GSTK1: variants seen among roughly 807,000 people sequenced by gnomAD.
GSTK1 encodes glutathione S-transferase kappa 1, also known as GST class-kappa.
GSTK1 carries 25 observed loss-of-function variants against 30.9 expected under a neutral mutation model. The ratio of observed to expected loss-of-function variants is 0.81; its 90% CI spans 0.59 to 1.13. The LOEUF is 1.13. Among genes scored for constraint, GSTK1 ranks in the 50% most tolerant of loss-of-function variants. GSTK1 has a pLI of 0.00. For missense variants in GSTK1, 292 were observed against 292.4 expected, an observed-to-expected ratio of 1.00 and a Z score of 0.01; for synonymous variants, 108 against 112.5, an observed-to-expected ratio of 0.96 and a Z score of 0.25.
chr7:143,265,227 G>C, intron 4 of GSTK1, 34 bp from the exon 5 acceptor site: 1 of 1,604,456 alleles, frequency 6.2e-7, no homozygotes, highest in South Asian at 1.1e-5. Context: ...CCCTCTCCCC[G>C]CACCGCCTTC....
chr7:143,268,852 A>C lies in GSTK1; in HGVS notation c.*15A>C, dbSNP rs774643315. On this transcript the variant is annotated 3_prime_UTR_variant, in exon 8 of 8. Transcript: ENST00000358406. The surrounding 1 kb of genome is among the most constrained non-coding windows in gnomAD (Gnocchi z 4.1). ...CCAGACTTTAAGATTGCCCGGAGGA[A>C]GCAAACTCTTCGTATAAAAAAAGCA... The C allele has an allele frequency of 1.2e-6, 2 of 1,612,460 alleles. No individual in the cohort carries two copies. The highest frequency in any genetic ancestry group is 1.3e-5 in the African/African-American group (1 of 74,880).
At chr7:143,265,176 C>G (rs778290959) in intron 4 of GSTK1, 84 bp downstream of exon 4, 1 of 1,608,616 alleles carries the variant, frequency 6.2e-7, no homozygotes, top group Non-Finnish European at 8.5e-7. Flanking sequence ...GGGTCATGAT[C>G]CTGCCCCCGC....
intron 5 of GSTK1, among the ~76,000 whole-genome samples, 197 bp downstream of exon 5, chr7:143,265,493 G>T (rs1159632572): frequency 1.4e-4 from 22 of 152,336 alleles, no homozygotes; most frequent in Admixed American, 1.1e-3. Context: ...TCTCAAGGTT[G>T]AAAGGGGAAG....
chr7:143,264,214 A>T, intron 2 of GSTK1, 47 bp downstream of exon 2: 2 of 1,503,184 alleles, frequency 1.3e-6, no homozygotes, highest in Non-Finnish European at 1.9e-6. Context: ...GGCCCAAGAG[A>T]GCCGACCCCA....
chr7:143,268,636 C>T lies in GSTK1; in HGVS notation c.632-152C>T, dbSNP rs1800950824. On this transcript the variant is annotated intron_variant, in intron 7 of 7. Transcript: ENST00000358406. The surrounding 1 kb of genome is among the most constrained non-coding windows in gnomAD (Gnocchi z 4.1). ...CTGTTCAAGGTTGAGTGGGCAGGGG[C>T]TGTCTTCAACCCCATAAAAGAAAAG... is the stretch of plus-strand genomic sequence containing the variant. 3.1e-6 allele frequency: 2 copies of T among 649,314 alleles called. No homozygotes were observed. The highest frequency in any genetic ancestry group is 1.8e-5 in the African/African-American group (1 of 54,646). 40.2% of individuals were successfully genotyped at this position (649,314 alleles called of 1,614,324 possible).
intron 2 of GSTK1, 87 bp from the exon 3 acceptor site, chr7:143,264,461 C>T: frequency 1.5e-6 from 2 of 1,348,282 alleles, no homozygotes; most frequent in Non-Finnish European, 2.1e-6. Context: ...AAGGAAGCTG[C>T]CCTCTGCCCA....
At chr7:143,267,806 C>T (rs1188752677) in intron 6 of GSTK1, 73 bp downstream of exon 6, 5 of 1,038,030 alleles carry the variant, frequency 4.8e-6, no homozygotes, top group Admixed American at 3.5e-5. Context: ...AAGTTTGAGT[C>T]CTTATGCTCC....
At chr7:143,267,828 C>G in intron 6 of GSTK1, 95 bp downstream of exon 6, 1 of 879,742 alleles carries the variant, frequency 1.1e-6, no homozygotes, top group Non-Finnish European at 1.9e-6. Context: ...GTACAAAAGC[C>G]CCCTTTCCAA....
rs138430310 is a variant in GSTK1, at chr7:143,267,176, T to G, written c.421-441T>G. The stretch of plus-strand genomic sequence containing the variant: ...ACTGGAATTACAGCCTAGCTCTTGA[T>G]TCAAAAAAAGCATGAGATACTTAGG... On this transcript the variant is annotated intron_variant, in intron 5 of 7. Transcript: ENST00000358406. 4.5e-3 allele frequency among the ~76,000 whole-genome samples: 686 copies of G among 152,202 alleles called. 11 individuals are homozygous for G. Among genetic ancestry groups the G allele is most frequent in the African/African-American group, 0.015 (637 of 41,524 alleles).
intron 5 of GSTK1, among the ~76,000 whole-genome samples, chr7:143,266,522 C>T (rs540304540): frequency 6.6e-6 from 1 of 152,138 alleles, no homozygotes; most frequent in African/African-American, 2.4e-5. Flanking sequence ...GGTCCCACTT[C>T]TGATCTAGGA....
Position 143,268,966 on chromosome 7 carries a change from C to A in GSTK1, c.*129C>A. 1.2e-6 allele frequency: 1 copy of A among 803,328 alleles called. No homozygotes were observed. The highest frequency in any genetic ancestry group is 1.7e-5 in the African/African-American group (1 of 58,978). The allele number at this position is 803,328 out of a possible 1,614,324, so 49.8% of individuals were successfully genotyped here. A position where few individuals can be genotyped will look rare whatever the true frequency, so the allele number is the denominator to read the frequency against. ...GAGGTATTTTCTGTGGCCCTGGGAG[C>A]TGTCTGTCTTTCCCCTACCCCCAAG... is the stretch of plus-strand genomic sequence containing the variant. On this transcript the variant is annotated 3_prime_UTR_variant, in exon 8 of 8. Coordinates refer to ENST00000358406, the MANE Select transcript of GSTK1 (RefSeq NM_015917.3). This position sits in a 1 kb window ranked among gnomAD's most constrained non-coding sequence, Gnocchi z 4.1.
rs764253719 is a variant in GSTK1, at chr7:143,268,187, A to G, written c.631+3A>G. ...GGAGCTGCTGGCGCACCTGCTGGGT[A>G]AGTAAGTTAAAGAATCAACCCTGAG... On this transcript the variant is annotated splice_donor_region_variant and intron_variant, in intron 7 of 7. Transcript: ENST00000358406. This position sits in a 1 kb window ranked among gnomAD's most constrained non-coding sequence, Gnocchi z 4.1. The G allele has an allele frequency of 1.9e-6, 3 of 1,611,420 alleles. No individual in the cohort carries two copies. The highest frequency in any genetic ancestry group is 2.2e-5 in the South Asian group (2 of 90,860).
At chr7:143,266,779 G>A (rs528969316) in intron 5 of GSTK1, among the ~76,000 whole-genome samples, 5 of 147,276 alleles carry the variant, frequency 3.4e-5, no homozygotes, top group African/African-American at 1.0e-4. Context: ...TCGCATCTCA[G>A]CCTTACGAGT....
At position 143,264,543 on chromosome 7, in the gene GSTK1, G is replaced by A; in HGVS notation, c.155-5G>A. 1 of 1,613,908 alleles carries A rather than the reference G, an allele frequency of 6.2e-7. No individual in the cohort carries two copies. The highest frequency in any genetic ancestry group is 8.5e-7 in the Non-Finnish European group (1 of 1,179,856). ...CACTTAGCGTGCCCAACCTTCTCCT[G>A]GCAGGAAACAAGCCTCCAGGTCTGC... On this transcript the variant is annotated splice_region_variant and splice_polypyrimidine_tract_variant and intron_variant, in intron 2 of 7. Coordinates refer to ENST00000358406, the MANE Select transcript of GSTK1 (RefSeq NM_015917.3).
chr7:143,266,382 C>G (rs1230929885), intron 5 of GSTK1, among the ~76,000 whole-genome samples: 3 of 152,104 alleles, frequency 2.0e-5, no homozygotes, highest in East Asian at 3.9e-4. Flanking sequence ...TATAGAGGTT[C>G]CACTGAGTGG....
At chr7:143,264,954 C>G (rs1352833672) in intron 3 of GSTK1, 38 bp from the exon 4 acceptor site, 1 of 1,601,000 alleles carries the variant, frequency 6.2e-7, no homozygotes, top group Non-Finnish European at 8.5e-7. Flanking sequence ...AGGAAAGCAG[C>G]AAGAGGAGCC....
chr7:143,263,462 G>C lies in GSTK1; in HGVS notation c.-52G>C, dbSNP rs1800768266. The stretch of plus-strand genomic sequence containing the variant: ...GCCCAGAAGCTGGGCAGCCTCTGCC[G>C]GGTTCCGGGAAAAGGAGCTCCTGCT... On this transcript the variant is annotated 5_prime_UTR_variant, in exon 1 of 8. Transcript: ENST00000358406. The C allele has an allele frequency of 1.3e-6, 2 of 1,545,978 alleles. No homozygotes were observed. Among genetic ancestry groups the C allele is most frequent in the East Asian group, 2.2e-5 (1 of 44,594 alleles).
chr7:143,268,756 AG>A lies in GSTK1; in HGVS notation c.632-31del, dbSNP rs769174822. On this transcript the variant is annotated intron_variant, in intron 7 of 7. Transcript: ENST00000358406. The surrounding 1 kb of genome is among the most constrained non-coding windows in gnomAD (Gnocchi z 4.1). ...TCCTGCTGCCAGAACACCTGAGAAC[AG>A]TGTGCAGAGTCTGTTGTTTTCTTCA... 2 of 1,605,924 alleles carry A rather than the reference AG, an allele frequency of 1.2e-6. No homozygotes were observed. The highest frequency in any genetic ancestry group is 2.7e-5 in the African/African-American group (2 of 74,834).
chr7:143,263,898 CTG>C (rs1800790576), intron 1 of GSTK1, 186 bp from the exon 2 acceptor site: 3 of 617,226 alleles, frequency 4.9e-6, no homozygotes, highest in Non-Finnish European at 8.6e-6. Flanking sequence ...TTGGGGAAAA[CTG>C]GCCACAGGAG....
Sources: allele counts gnomAD v4.1 joint callset (sites outside exome capture counted in the v4.1 genomes callset), GRCh38; gene constraint gnomAD v4.1.1; non-coding constraint Gnocchi (gnomAD v3.1); transcripts MANE v1.5; gene names NCBI Gene and HGNC (gene_info 2026-07-23, HGNC 2026-07-21).